Variants in PPM1E observed in about 807,000 individuals in gnomAD.
The protein encoded by PPM1E is protein phosphatase, Mg2+/Mn2+ dependent 1E, also known as protein phosphatase 1E.
In PPM1E, 20 loss-of-function variants were observed where a neutral mutation model predicts 65.9. The ratio of observed to expected loss-of-function variants is 0.30; its 90% confidence interval spans 0.21 to 0.44. PPM1E has a LOEUF of 0.44. PPM1E is among the 20% of genes least tolerant of loss of function. The pLI is 1.00. For synonymous variants in PPM1E, 352 were observed against 374.9 expected (o/e 0.94, Z 0.70); for missense variants, 713 against 953.1 (o/e 0.75, Z 3.32).
At chr17:58,760,835 C>T (rs2049814412) in intron 1 of PPM1E, among the ~76,000 whole-genome samples, 1 of 152,190 alleles carries the variant, frequency 6.6e-6, no homozygotes, top group African/African-American at 2.4e-5. Context: ...ACTCATAGAA[C>T]TCACTGAAAG....
intron 1 of PPM1E, among the ~76,000 whole-genome samples, chr17:58,856,930 A>G (rs1200522935): frequency 6.6e-6 from 1 of 152,176 alleles, no homozygotes; most frequent in African/African-American, 2.4e-5. Flanking sequence ...TCTTCTCTAT[A>G]TGGAAGTTTT....
chr17:58,883,941 A>T (rs2051236322), intron 1 of PPM1E, among the ~76,000 whole-genome samples: 1 of 152,190 alleles, frequency 6.6e-6, no homozygotes. Flanking sequence ...ATTTACCAAA[A>T]AAAAATAAAA....
intron 1 of PPM1E, among the ~76,000 whole-genome samples, chr17:58,917,219 A>T (rs372340720): frequency 1.6e-5 from 1 of 60,608 alleles, no homozygotes; most frequent in African/African-American, 4.7e-5. Context: ...CAAAAAAAAG[A>T]AAAAAAAAAA....
rs911194821 is a variant in PPM1E, at chr17:58,868,378, AT to A, written c.465-87263del. On this transcript the variant is annotated intron_variant, in intron 1 of 6. Coordinates refer to ENST00000308249, the MANE Select transcript of PPM1E (RefSeq NM_014906.5). Reference sequence around the variant, plus strand: ...CGCTAACAATATTTTTCAAAAAAAAATTTTTTTTAATTTTTAAAGAGCTTGG... The same window carrying A: ...CGCTAACAATATTTTTCAAAAAAAAATTTTTTTAATTTTTAAAGAGCTTGG... Among the ~76,000 whole-genome samples, 29 of 152,128 alleles carry A rather than the reference AT, an allele frequency of 1.9e-4. No homozygotes were observed. In the Middle Eastern group the frequency reaches 0.01, roughly 54 times the overall value.
chr17:58,841,730 CAG>C (rs1485081576), intron 1 of PPM1E, among the ~76,000 whole-genome samples: 1 of 151,416 alleles, frequency 6.6e-6, no homozygotes, highest in Non-Finnish European at 1.5e-5. Flanking sequence ...CATTTCGAGA[CAG>C]AGTCTTACTC....
intron 1 of PPM1E, among the ~76,000 whole-genome samples, chr17:58,778,998 CA>C (rs913184293): frequency 7.1e-6 from 1 of 140,202 alleles, no homozygotes; most frequent in African/African-American, 2.6e-5. Flanking sequence ...TCAACACTTT[CA>C]AGTGAGCACT....
chr17:58,931,449 A>G (rs966232055), intron 1 of PPM1E, among the ~76,000 whole-genome samples: 1 of 152,032 alleles, frequency 6.6e-6, no homozygotes, highest in African/African-American at 2.4e-5. Flanking sequence ...GGAGGAAGGA[A>G]AGGAGGAAGG....
At chr17:58,893,274 A>G (rs538716934) in intron 1 of PPM1E, among the ~76,000 whole-genome samples, 1 of 152,356 alleles carries the variant, frequency 6.6e-6, no homozygotes, top group Admixed American at 6.5e-5. Flanking sequence ...ATTATTTAGC[A>G]CTGAAAAGAA....
At chr17:58,895,809 CAAAAA>C (rs945275963) in intron 1 of PPM1E, among the ~76,000 whole-genome samples, 1 of 151,038 alleles carries the variant, frequency 6.6e-6, no homozygotes, top group African/African-American at 2.4e-5. Flanking sequence ...GACCGTGTCT[CAAAAA>C]AGAAAAGGAG....
intron 1 of PPM1E, among the ~76,000 whole-genome samples, chr17:58,873,845 C>T (rs1332790233): frequency 1.3e-5 from 2 of 150,618 alleles, no homozygotes; most frequent in East Asian, 3.9e-4. Flanking sequence ...GATCTGCCCA[C>T]CTTAGCCCCC....
chr17:58,873,014 G>GAGCGGCATGCAA (rs2051088590), intron 1 of PPM1E, among the ~76,000 whole-genome samples: 1 of 152,088 alleles, frequency 6.6e-6, no homozygotes, highest in Admixed American at 6.6e-5. Flanking sequence ...GCATGCTACT[G>GAGCGGCATGCAA]GCTCAGGTCA....
At chr17:58,763,412 T>C (rs2049842626) in intron 1 of PPM1E, among the ~76,000 whole-genome samples, 1 of 152,158 alleles carries the variant, frequency 6.6e-6, no homozygotes, top group African/African-American at 2.4e-5. Context: ...TCAAGTCATA[T>C]GACACCACCT....
chr17:58,981,141 A>G lies in PPM1E; in HGVS notation c.*110A>G. ...TATGTGCTTCATTATGAATCCATGG[A>G]TGGCTCAATTCTTAAATGTAAATAG... On this transcript the variant is annotated 3_prime_UTR_variant, in exon 7 of 7. Coordinates refer to ENST00000308249, the MANE Select transcript of PPM1E (RefSeq NM_014906.5). The G allele has an allele frequency of 1.4e-6, 1 of 736,358 alleles. No individual in the cohort carries two copies. Among genetic ancestry groups the G allele is most frequent in the Admixed American group, 3.0e-5 (1 of 33,304 alleles). The allele number at this position is 736,358 out of a possible 1,614,324, so 45.6% of individuals were successfully genotyped here. A position where few individuals can be genotyped will look rare whatever the true frequency, so the allele number is the denominator to read the frequency against.
intron 1 of PPM1E, among the ~76,000 whole-genome samples, chr17:58,913,554 G>A (rs2051652359): frequency 6.6e-6 from 1 of 152,130 alleles, no homozygotes; most frequent in Admixed American, 6.5e-5. Context: ...AGCCAGCTGA[G>A]CAGAAGACAG....
chr17:58,806,309 ATTAGTATGATTAGAAGGG>A (rs1325547177), intron 1 of PPM1E, among the ~76,000 whole-genome samples: 1 of 151,898 alleles, frequency 6.6e-6, no homozygotes, highest in Non-Finnish European at 1.5e-5. Flanking sequence ...TGCCGAGAAA[ATTAGTATGATTAGAAGGG>A]TAAGCTATGT....
At chr17:58,806,791 C>T (rs1368491134) in intron 1 of PPM1E, among the ~76,000 whole-genome samples, 4 of 151,050 alleles carry the variant, frequency 2.6e-5, no homozygotes, top group Non-Finnish European at 5.9e-5. Context: ...CCTCCACCTC[C>T]TGGGTTCAAG....
At chr17:58,879,322 C>T (rs2051163119) in intron 1 of PPM1E, among the ~76,000 whole-genome samples, 1 of 150,254 alleles carries the variant, frequency 6.7e-6, no homozygotes. Context: ...GACATGGTCT[C>T]ACTATGTTTC....
intron 1 of PPM1E, among the ~76,000 whole-genome samples, chr17:58,826,250 T>G (rs1304263508): frequency 1.4e-5 from 2 of 146,462 alleles, no homozygotes; most frequent in African/African-American, 5.1e-5. Flanking sequence ...TGAGCCGAGA[T>G]GGCTCCACTG....
intron 1 of PPM1E, among the ~76,000 whole-genome samples, chr17:58,925,789 A>G (rs112742139): frequency 6.6e-6 from 1 of 152,028 alleles, no homozygotes; most frequent in African/African-American, 2.4e-5. Context: ...CCTTTGTCAG[A>G]TGGGTACATT....
Sources: gnomAD v4.1 joint callset for allele counts (sites outside exome capture counted in the v4.1 genomes callset) on GRCh38, gnomAD v4.1.1 for gene constraint, MANE v1.5 for transcripts, NCBI Gene and HGNC (gene_info 2026-07-23, HGNC 2026-07-21) for gene names.